The following PHLPP1 variants were observed in gnomAD, a reference collection of about 807,000 sequenced individuals.
PHLPP1 encodes PH domain and leucine rich repeat protein phosphatase 1, also known as PH domain leucine-rich repeat-containing protein phosphatase 1.
A neutral mutation model predicts 117.2 loss-of-function variants in PHLPP1; 42 were observed. The ratio of observed to expected loss-of-function variants is 0.36; its 90% CI spans 0.28 to 0.46. The LOEUF (loss-of-function observed/expected upper bound fraction) is 0.46, where lower values mean the gene tolerates loss of function less well. Among genes scored for constraint, PHLPP1 ranks in the 20% least tolerant of loss-of-function variants. The pLI is 1.00. For missense variants in PHLPP1, 2,084 were observed against 2,241.9 expected (o/e 0.93, Z 1.42); for synonymous variants, 1,042 against 970.7 (o/e 1.07, Z -1.37).
chr18:62,944,990 T>A, intron 11 of PHLPP1, 119 bp from the exon 12 acceptor site: 2 of 712,102 alleles, frequency 2.8e-6, no homozygotes, highest in Non-Finnish European at 4.3e-6. Flanking sequence ...GAAAAAATGG[T>A]CTTGTTTGTA....
intron 4 of PHLPP1, among the ~76,000 whole-genome samples, chr18:62,879,585 G>A (rs916301445): frequency 2.0e-5 from 3 of 152,086 alleles, no homozygotes; most frequent in African/African-American, 7.2e-5. Flanking sequence ...CTAATTGTTT[G>A]TATTTTTAGT....
intron 1 of PHLPP1, among the ~76,000 whole-genome samples, chr18:62,807,987 A>C (rs141959814): frequency 9.8e-5 from 15 of 152,316 alleles, no homozygotes; most frequent in African/African-American, 3.6e-4. Context: ...AGGCAATAGG[A>C]ATTTTTCACC....
chr18:62,915,874 A>G (rs958934969), intron 9 of PHLPP1, among the ~76,000 whole-genome samples: 1 of 152,226 alleles, frequency 6.6e-6, no homozygotes, highest in Non-Finnish European at 1.5e-5. Flanking sequence ...ACAAATTCAT[A>G]TAGTTACTTG....
Position 62,958,721 on chromosome 18 carries a change from G to C in PHLPP1, c.3417G>C (p.Pro1139=), listed in dbSNP as rs374412781. ...KLQELDLTGN[P]RLVLDHKTLE... is the part of the protein sequence containing the mutation. Reference sequence around the variant, plus strand: ...AGGAGCTAGACCTGACTGGAAACCCGCGCCTTGTCCTTGATCACAAAACCC... The same window carrying C: ...AGGAGCTAGACCTGACTGGAAACCCCCGCCTTGTCCTTGATCACAAAACCC... Residue 1139 remains proline, a synonymous_variant, in exon 13 of 17, where the codon CCG becomes CCC. Transcript: ENST00000262719. 1 of 1,613,940 alleles carries C rather than the reference G, an allele frequency of 6.2e-7. No individual in the cohort carries two copies. Among genetic ancestry groups the C allele is most frequent in the Admixed American group, 1.7e-5 (1 of 60,018 alleles).
intron 1 of PHLPP1, among the ~76,000 whole-genome samples, chr18:62,727,631 AAAG>A (rs1476491042): frequency 1.3e-5 from 2 of 151,790 alleles, no homozygotes; most frequent in Non-Finnish European, 2.9e-5. Context: ...AAAAAAAAAA[AAAG>A]CACTTTTCTC....
In PHLPP1 at chr18:62,735,605, A is replaced by AC. The variant is rs57557119; in HGVS notation, c.1576+18346_1576+18347insC. 2.7e-4 allele frequency among the ~76,000 whole-genome samples: 40 copies of AC among 150,732 alleles called. 1 individual carries two copies. The highest frequency in any genetic ancestry group is 3.9e-4 in the Non-Finnish European group (26 of 67,448). On this transcript the variant is annotated intron_variant, in intron 1 of 16. Coordinates refer to ENST00000262719, the MANE Select transcript of PHLPP1 (RefSeq NM_194449.4). The stretch of plus-strand genomic sequence containing the variant: ...AACAACAACAACAACAACAACAACA[A>AC]AACCAGTTGACCACCCTCTTGGTTT...
At chr18:62,895,733 T>C in intron 5 of PHLPP1, 48 bp from the exon 6 acceptor site, 1 of 1,127,112 alleles carries the variant, frequency 8.9e-7, no homozygotes, top group Non-Finnish European at 1.3e-6. Context: ...ATAATAAAGA[T>C]GTAAAATTTA....
At chr18:62,876,686 T>C (rs1916058197) in intron 4 of PHLPP1, among the ~76,000 whole-genome samples, 1 of 152,198 alleles carries the variant, frequency 6.6e-6, no homozygotes, top group African/African-American at 2.4e-5. Context: ...GGTGACTATT[T>C]TAAGGGGACA....
At chr18:62,808,725 T>A (rs1914028560) in intron 1 of PHLPP1, among the ~76,000 whole-genome samples, 1 of 152,116 alleles carries the variant, frequency 6.6e-6, no homozygotes, top group Admixed American at 6.5e-5. Flanking sequence ...CTAATTTTTT[T>A]ATATTTTTAG....
At chr18:62,924,324 T>C (rs1909561581) in intron 10 of PHLPP1, among the ~76,000 whole-genome samples, 1 of 152,176 alleles carries the variant, frequency 6.6e-6, no homozygotes. Context: ...CAGTTCTGTG[T>C]TTCGTTATAT....
Position 62,972,606 on chromosome 18 carries a change from C to T in PHLPP1, c.3653C>T (p.Pro1218Leu), listed in dbSNP as rs1911083201. ...VFDGDRNVEV[P>L]YLLQCTMSDI... is the part of the protein sequence containing the mutation. ...GACGGAGACCGGAATGTGGAGGTGC[C>T]CTACCTTCTCCAGTGCACTATGAGT... The change falls in exon 15 of 17, where the codon CCC becomes CTC. Residue 1218 changes from proline to leucine, a missense_variant. This residue lies in a region of PHLPP1 where 1,365 missense variants were observed against 1,605.9 expected (regional missense o/e 0.85). Coordinates refer to ENST00000262719, the MANE Select transcript of PHLPP1 (RefSeq NM_194449.4). 6.2e-7 allele frequency: 1 copy of T among 1,613,750 alleles called. No individual in the cohort carries two copies. The highest frequency in any genetic ancestry group is 1.1e-5 in the South Asian group (1 of 91,076).
chr18:62,966,594 C>T (rs990238849), intron 14 of PHLPP1, among the ~76,000 whole-genome samples: 4 of 151,640 alleles, frequency 2.6e-5, no homozygotes, highest in Non-Finnish European at 5.9e-5. Flanking sequence ...CCTCAGCCTC[C>T]TGAGTAGCTG....
chr18:62,968,621 T>C (rs1910969559), intron 14 of PHLPP1, among the ~76,000 whole-genome samples: 1 of 140,910 alleles, frequency 7.1e-6, no homozygotes, highest in Middle Eastern at 3.5e-3. Flanking sequence ...CACTGCAACC[T>C]TTCCCTTCTG....
chr18:62,732,476 T>C lies in PHLPP1; in HGVS notation c.1576+15217T>C, dbSNP rs549782660. ...GAAAAAGAAAAGATTCCTTTCAAAA[T>C]ATTACTGCCCACTGAAAATGTACCT... On this transcript the variant is annotated intron_variant, in intron 1 of 16. Coordinates refer to ENST00000262719, the MANE Select transcript of PHLPP1 (RefSeq NM_194449.4). 2.6e-5 allele frequency among the ~76,000 whole-genome samples: 4 copies of C among 152,298 alleles called. No homozygotes were observed. In the East Asian group the frequency reaches 7.7e-4, roughly 29 times the overall value.
At chr18:62,853,811 A>T (rs1426654812) in intron 3 of PHLPP1, among the ~76,000 whole-genome samples, 1 of 152,234 alleles carries the variant, frequency 6.6e-6, no homozygotes, top group African/African-American at 2.4e-5. Flanking sequence ...CGACGAGAGC[A>T]TTGGCTTACA....
intron 2 of PHLPP1, among the ~76,000 whole-genome samples, chr18:62,836,871 C>A (rs1002804789): frequency 6.6e-6 from 1 of 152,086 alleles, no homozygotes; most frequent in African/African-American, 2.4e-5. Context: ...ATAGGAGAAT[C>A]GCTTGCAATC....
chr18:62,912,158 CG>C (rs1251226496), intron 8 of PHLPP1, among the ~76,000 whole-genome samples: 1 of 89,698 alleles, frequency 1.1e-5, no homozygotes, highest in African/African-American at 4.6e-5. Flanking sequence ...GTGGTGGGGT[CG>C]GGGGAGGGGG....
intron 4 of PHLPP1, among the ~76,000 whole-genome samples, chr18:62,891,972 A>AAATGATGT (rs991190312): frequency 1.3e-5 from 2 of 151,316 alleles, no homozygotes; most frequent in African/African-American, 4.8e-5. Context: ...ATATTAACAT[A>AAATGATGT]AATGATGTTT....
In PHLPP1 at chr18:62,716,651, C is replaced by G; in HGVS notation, c.968C>G (p.Ser323Cys). 1.4e-6 allele frequency: 2 copies of G among 1,428,886 alleles called. No homozygotes were observed. Among genetic ancestry groups the G allele is most frequent in the Non-Finnish European group, 1.8e-6 (2 of 1,093,238 alleles). The allele number at this position is 1,428,886 out of a possible 1,614,324, so 88.5% of individuals were successfully genotyped here. ...CGCGCCAGCCCAGCGCCCTCGGACT[C>G]CAGCCCCGGCGAGCCGTTCGTTGGG... ...SRRASPAPSD[S>C]SPGEPFVGGP... The change falls in exon 1 of 17, where the codon TCC becomes TGC. Residue 323 changes from serine (S) to cysteine (C), a missense_variant. By Grantham distance (112) the Ser-to-Cys change is moderately radical. Transcript: ENST00000262719. This position sits in a 1 kb window ranked among gnomAD's most constrained non-coding sequence, Gnocchi z 5.7.
Sources: gnomAD v4.1 joint callset for allele counts (sites outside exome capture counted in the v4.1 genomes callset) on GRCh38, gnomAD v4.1.1 for gene constraint, gnomAD v4.1.1 regional missense constraint, Gnocchi (gnomAD v3.1) non-coding constraint, MANE v1.5 for transcripts, NCBI Gene and HGNC (gene_info 2026-07-23, HGNC 2026-07-21) for gene names.